CSTPP1: variants seen among roughly 807,000 people sequenced by gnomAD.
CSTPP1 encodes the protein UPF0705 protein C11orf49.
At chr11:47,020,919 C>T in the CSTPP1 span, among the ~76,000 whole-genome samples, 1 of 152,142 alleles carries the variant, frequency 6.6e-6, no homozygotes, top group African/African-American at 2.4e-5. Context: ...AGTCCACTGT[C>T]TCTGTTTTGC....
At chr11:47,019,359 A>G in the CSTPP1 span, among the ~76,000 whole-genome samples, 1 of 152,266 alleles carries the variant, frequency 6.6e-6, no homozygotes, top group African/African-American at 2.4e-5. Context: ...TGCATTCACA[A>G]CTTGGCTAAC....
the CSTPP1 span, among the ~76,000 whole-genome samples, chr11:47,078,231 T>C: frequency 6.6e-6 from 1 of 152,126 alleles, no homozygotes; most frequent in Non-Finnish European, 1.5e-5. Flanking sequence ...GTATGACAGG[T>C]TAGAAGAATT....
the CSTPP1 span, chr11:47,161,167 AATGG>A: frequency 3.1e-6 from 5 of 1,614,218 alleles, no homozygotes; most frequent in Non-Finnish European, 4.2e-6. Flanking sequence ...ACGACCCAGC[AATGG>A]ATGAAGAGCT....
the CSTPP1 span, among the ~76,000 whole-genome samples, chr11:47,128,213 A>G: frequency 6.6e-6 from 1 of 151,812 alleles, no homozygotes; most frequent in African/African-American, 2.4e-5. Flanking sequence ...TGTAAGACCC[A>G]CTTAGGTTTT....
the CSTPP1 span, among the ~76,000 whole-genome samples, chr11:47,021,308 A>G: frequency 6.6e-6 from 1 of 151,974 alleles, no homozygotes; most frequent in Admixed American, 6.6e-5. Flanking sequence ...ATTTTTCCTG[A>G]AGCACCTTTA....
the CSTPP1 span, chr11:47,103,949 G>A: frequency 3.3e-5 from 5 of 152,170 alleles, no homozygotes; most frequent in Admixed American, 3.3e-4. Flanking sequence ...TTACAGGCAT[G>A]AGCGACTGTG....
the CSTPP1 span, among the ~76,000 whole-genome samples, chr11:47,133,177 C>T: frequency 6.6e-6 from 1 of 152,170 alleles, no homozygotes; most frequent in South Asian, 2.1e-4. Flanking sequence ...TGCTGTGCTG[C>T]CTCTGGAGAA....
the CSTPP1 span, among the ~76,000 whole-genome samples, chr11:47,022,854 T>G: frequency 6.6e-6 from 1 of 152,352 alleles, no homozygotes; most frequent in East Asian, 1.9e-4. Context: ...ATTAACACAT[T>G]TAACCTTTGG....
At chr11:47,003,139 T>C in the CSTPP1 span, among the ~76,000 whole-genome samples, 1 of 152,232 alleles carries the variant, frequency 6.6e-6, no homozygotes, top group Non-Finnish European at 1.5e-5. Context: ...ATGAGACCCC[T>C]GTCTCTACAA....
At chr11:46,956,932 C>A in the CSTPP1 span, among the ~76,000 whole-genome samples, 4 of 150,948 alleles carry the variant, frequency 2.6e-5, no homozygotes, top group African/African-American at 9.7e-5. Flanking sequence ...TATATATATA[C>A]ACACAGTATA....
At chr11:47,079,728 A>G in the CSTPP1 span, among the ~76,000 whole-genome samples, 1 of 152,194 alleles carries the variant, frequency 6.6e-6, no homozygotes, top group African/African-American at 2.4e-5. Flanking sequence ...GACTTTTCTC[A>G]TATATATTTC....
At chr11:47,138,461 T>C in the CSTPP1 span, among the ~76,000 whole-genome samples, 1 of 152,038 alleles carries the variant, frequency 6.6e-6, no homozygotes, top group Admixed American at 6.6e-5. Flanking sequence ...AGAGTTGAGG[T>C]TGGGGACTGG....
chr11:47,001,495 A>C, the CSTPP1 span, among the ~76,000 whole-genome samples: 1 of 152,140 alleles, frequency 6.6e-6, no homozygotes, highest in Admixed American at 6.5e-5. Context: ...AGAGATTCCA[A>C]TAGTGCATAC....
the CSTPP1 span, among the ~76,000 whole-genome samples, chr11:47,039,216 G>C: frequency 5.5e-5 from 7 of 127,974 alleles, 2 homozygotes; most frequent in Non-Finnish European, 1.1e-4. Flanking sequence ...GGGCACCATT[G>C]AGCACGGAGT....
At chr11:46,983,601 AT>A in the CSTPP1 span, among the ~76,000 whole-genome samples, 1 of 152,142 alleles carries the variant, frequency 6.6e-6, no homozygotes, top group Admixed American at 6.6e-5. Context: ...GCTGTTTTTT[AT>A]TCTTTAATCA....
At chr11:47,136,908 A>G in the CSTPP1 span, among the ~76,000 whole-genome samples, 1 of 152,170 alleles carries the variant, frequency 6.6e-6, no homozygotes, top group Non-Finnish European at 1.5e-5. Flanking sequence ...CTTCTCCCTC[A>G]GGATCCTATA....
chr11:47,043,378 TAAA>T, the CSTPP1 span, among the ~76,000 whole-genome samples: 2 of 149,796 alleles, frequency 1.3e-5, no homozygotes, highest in African/African-American at 4.9e-5. Flanking sequence ...CCCCGTCTAT[TAAA>T]AAAACAAAAA....
At chr11:47,119,247 G>A in the CSTPP1 span, among the ~76,000 whole-genome samples, 7 of 152,262 alleles carry the variant, frequency 4.6e-5, no homozygotes, top group African/African-American at 9.6e-5. Flanking sequence ...TTCTGTGGGC[G>A]TGGGACCTGC....
the CSTPP1 span, among the ~76,000 whole-genome samples, chr11:47,029,407 G>C: frequency 6.6e-6 from 1 of 151,970 alleles, no homozygotes; most frequent in Non-Finnish European, 1.5e-5. Context: ...AGGAGTTTGA[G>C]ACCAGTCTAG....
Sources: allele counts gnomAD v4.1 joint callset (sites outside exome capture counted in the v4.1 genomes callset), GRCh38; gene constraint gnomAD v4.1.1; transcripts MANE v1.5; gene names NCBI Gene and HGNC (gene_info 2026-07-23, HGNC 2026-07-21).